The following ASGR2 variants were observed in gnomAD, a reference collection of about 807,000 sequenced individuals.
ASGR2 encodes C-type lectin domain family 4 member H2.
ASGR2 carries 34 observed loss-of-function variants against 32.3 expected under a neutral mutation model. The observed-to-expected ratio is 1.05, with a 90% CI of 0.80 to 1.40. The LOEUF is 1.40. Among genes scored for constraint, ASGR2 ranks in the 40% most tolerant of loss-of-function variants. The probability of loss-of-function intolerance (pLI) is 0.00; values close to 1 mark genes in which losing one functional copy is unlikely to be tolerated. For synonymous variants in ASGR2, 143 were observed against 150.0 expected, an observed-to-expected ratio of 0.95 and a Z score of 0.34; for missense variants, 385 against 386.4, an observed-to-expected ratio of 1.00 and a Z score of 0.03.
chr17:7,103,112 C>G (rs1443242561), intron 7 of ASGR2, among the ~76,000 whole-genome samples: 1 of 152,142 alleles, frequency 6.6e-6, no homozygotes, highest in Non-Finnish European at 1.5e-5. Flanking sequence ...GGGATGGATC[C>G]GTTGAGCAAC....
chr17:7,107,857 G>C lies in ASGR2; in HGVS notation c.388C>G (p.Gln130Glu). ...ITSLGAKLEKQQQDLKADHDA... is the reference protein window; with the variant it reads ...ITSLGAKLEKEQQDLKADHDA... ...TGACCTGCTTTCAGGTCCTGCTGCTGTTTCTCCAGCTTGGCTCCTAGGGAT... is the reference window on the plus strand; with the variant it reads ...TGACCTGCTTTCAGGTCCTGCTGCTCTTTCTCCAGCTTGGCTCCTAGGGAT... Residue 130 changes from glutamine to glutamate, a missense_variant, in exon 5 of 9, where the codon CAG (glutamine) becomes GAG (glutamate). Physicochemically the swap from Gln to Glu is conservative, Grantham distance 29. Transcript: ENST00000691900. The surrounding 1 kb of genome is among the most constrained non-coding windows in gnomAD (Gnocchi z 5.0). 1.2e-6 allele frequency: 2 copies of C among 1,612,378 alleles called. No individual in the cohort carries two copies. Among genetic ancestry groups the C allele is most frequent in the South Asian group, 2.2e-5 (2 of 91,036 alleles).
intron 2 of ASGR2, among the ~76,000 whole-genome samples, chr17:7,111,888 T>A (rs1402514068): frequency 6.9e-6 from 1 of 145,610 alleles, no homozygotes; most frequent in African/African-American, 2.6e-5. Context: ...AAAAAAAAAT[T>A]TTTAATTAGC....
In ASGR2 at chr17:7,113,712, ACACAC is replaced by A. The variant is rs2151742206; in HGVS notation, c.124+400_124+404del. Among the ~76,000 whole-genome samples, 1 of 151,816 alleles carries A rather than the reference ACACAC, an allele frequency of 6.6e-6. No individual in the cohort carries two copies. Among genetic ancestry groups the A allele is most frequent in the African/African-American group, 2.4e-5 (1 of 41,394 alleles). On this transcript the variant is annotated intron_variant, in intron 2 of 8. Transcript: ENST00000691900. The surrounding 1 kb of genome is among the most constrained non-coding windows in gnomAD (Gnocchi z 5.1). The stretch of plus-strand genomic sequence containing the variant: ...CAACATACACACACAACACACTCTC[ACACAC>A]AACATACCCTCTCACATACACGACA...
At position 7,113,692 on chromosome 17, in the gene ASGR2, TACAC is replaced by T. The variant is rs553743875; in HGVS notation, c.124+421_124+424del. Among the ~76,000 whole-genome samples, 11 of 145,726 alleles carry T rather than the reference TACAC, an allele frequency of 7.5e-5. No individual in the cohort carries two copies. Among genetic ancestry groups the T allele is most frequent in the Non-Finnish European group, 1.2e-4 (8 of 65,702 alleles). ...ACACACAACATATACTCACACAACA[TACAC>T]ACACAACACACTCTCACACACAACA... is the stretch of plus-strand genomic sequence containing the variant. On this transcript the variant is annotated intron_variant, in intron 2 of 8. Transcript: ENST00000691900. This position sits in a 1 kb window ranked among gnomAD's most constrained non-coding sequence, Gnocchi z 5.1.
intron 7 of ASGR2, among the ~76,000 whole-genome samples, chr17:7,103,527 A>G (rs1913153600): frequency 6.6e-6 from 1 of 152,224 alleles, no homozygotes; most frequent in Non-Finnish European, 1.5e-5. Flanking sequence ...AGGAGGAATC[A>G]AATCATGCCA....
At position 7,114,026 on chromosome 17, in the gene ASGR2, C is replaced by T. The variant is rs1048726997; in HGVS notation, c.124+91G>A. ...TGTCGGGCCCTCCTCAGTCCCTGTT[C>T]ACAGAGTGGGTGCGGCAGAGACCTC... On this transcript the variant is annotated intron_variant, in intron 2 of 8. Coordinates refer to ENST00000691900, the MANE Select transcript of ASGR2 (RefSeq NM_001201352.2). This position sits in a 1 kb window ranked among gnomAD's most constrained non-coding sequence, Gnocchi z 4.5. The T allele has an allele frequency of 2.6e-6, 4 of 1,560,878 alleles. No homozygotes were observed. The Admixed American group carries it at 5.2e-5, about 20-fold the overall frequency.
intron 2 of ASGR2, among the ~76,000 whole-genome samples, chr17:7,111,462 C>T (rs1249436465): frequency 3.3e-5 from 5 of 151,912 alleles, no homozygotes; most frequent in Admixed American, 6.6e-5. Context: ...CGACACCATC[C>T]TGGCTAACAT....
intron 7 of ASGR2, among the ~76,000 whole-genome samples, chr17:7,104,909 G>C (rs1458649450): frequency 6.6e-6 from 1 of 151,208 alleles, no homozygotes; most frequent in Admixed American, 6.6e-5. Flanking sequence ...CTGGGAGGCA[G>C]AGGTTGCAGT....
chr17:7,104,868 C>T (rs1034758975), intron 7 of ASGR2, among the ~76,000 whole-genome samples: 3 of 150,476 alleles, frequency 2.0e-5, no homozygotes, highest in African/African-American at 7.3e-5. Flanking sequence ...CTCAGCTACT[C>T]GGGATACTAA....
intron 2 of ASGR2, among the ~76,000 whole-genome samples, chr17:7,111,658 A>G (rs1308855396): frequency 6.9e-6 from 1 of 145,954 alleles, no homozygotes; most frequent in African/African-American, 2.5e-5. Flanking sequence ...TCCGCCTCCA[A>G]AAAAAAAAAA....
At position 7,108,427 on chromosome 17, in the gene ASGR2, C is replaced by T. The variant is rs374655358; in HGVS notation, c.337+35G>A. On this transcript the variant is annotated intron_variant, in intron 4 of 8. Coordinates refer to ENST00000691900, the MANE Select transcript of ASGR2 (RefSeq NM_001201352.2). This position sits in a 1 kb window ranked among gnomAD's most constrained non-coding sequence, Gnocchi z 4.9. ...CGGCACTGAGCCCAGCAAACCTGTGCGGATAAATGAGAACCCAGCCGTCCA... is the reference window on the plus strand; with the variant it reads ...CGGCACTGAGCCCAGCAAACCTGTGTGGATAAATGAGAACCCAGCCGTCCA... 17 of 1,551,686 alleles carry T rather than the reference C, an allele frequency of 1.1e-5. No homozygotes were observed. The East Asian group carries it at 1.2e-4, about 11-fold the overall frequency.
Position 7,107,503 on chromosome 17 carries a change from T to TCA in ASGR2, c.410-188_410-187dup. 9.0e-6 allele frequency: 6 copies of TCA among 665,156 alleles called. No individual in the cohort carries two copies. Among genetic ancestry groups the TCA allele is most frequent in the Non-Finnish European group, 1.6e-5 (6 of 383,140 alleles). The allele number at this position is 665,156 out of a possible 1,614,324, so 41.2% of individuals were successfully genotyped here. A position where few individuals can be genotyped will look rare whatever the true frequency, so the allele number is the denominator to read the frequency against. On this transcript the variant is annotated intron_variant, in intron 5 of 8. Transcript: ENST00000691900. This position sits in a 1 kb window ranked among gnomAD's most constrained non-coding sequence, Gnocchi z 5.0. Reference sequence around the variant, plus strand: ...ATAGACCACACCACACACAGATCCATCACACACACACAAACACACCAAGAG... The same window carrying TCA: ...ATAGACCACACCACACACAGATCCATCACACACACACACAAACACACCAAGAG...
chr17:7,101,843 A>T, intron 8 of ASGR2, 103 bp from the exon 9 acceptor site: 1 of 1,452,970 alleles, frequency 6.9e-7, no homozygotes, highest in Non-Finnish European at 9.3e-7. Context: ...CCGAGAGTGG[A>T]GCTGGGGTGT....
rs984447409 is a variant in ASGR2 at position 7,114,499 on chromosome 17, C to T, written c.-71+116G>A. 6.9e-6 allele frequency: 9 copies of T among 1,306,802 alleles called. No homozygotes were observed. Among genetic ancestry groups the T allele is most frequent in the Non-Finnish European group, 8.8e-6 (9 of 1,022,586 alleles). The allele number at this position is 1,306,802 out of a possible 1,614,324, so 81.0% of individuals were successfully genotyped here. A position where few individuals can be genotyped will look rare whatever the true frequency, so the allele number is the denominator to read the frequency against. On this transcript the variant is annotated intron_variant, in intron 1 of 8. Coordinates refer to ENST00000691900, the MANE Select transcript of ASGR2 (RefSeq NM_001201352.2). The surrounding 1 kb of genome is among the most constrained non-coding windows in gnomAD (Gnocchi z 4.5). ...CCTTGACCTGGCCAGGAGACCCCTC[C>T]CCACGCTCATGGACCCGACCACCCA...
At chr17:7,104,086 C>T (rs919000702) in intron 7 of ASGR2, among the ~76,000 whole-genome samples, 1 of 151,024 alleles carries the variant, frequency 6.6e-6, no homozygotes. Flanking sequence ...TGGTGGCTCA[C>T]GCCTGTAATC....
In ASGR2 at chr17:7,108,339, G is replaced by A; in HGVS notation, c.337+123C>T. Reference sequence around the variant, plus strand: ...TGCCTCCCTCCTATACATCCCCCAGGGCCCCTGGACGCCTTGCCCAGCCTG... The same window carrying A: ...TGCCTCCCTCCTATACATCCCCCAGAGCCCCTGGACGCCTTGCCCAGCCTG... On this transcript the variant is annotated intron_variant, in intron 4 of 8. Transcript: ENST00000691900. The surrounding 1 kb of genome is among the most constrained non-coding windows in gnomAD (Gnocchi z 4.9). 9.9e-7 allele frequency: 1 copy of A among 1,012,870 alleles called. No homozygotes were observed. Among genetic ancestry groups the A allele is most frequent in the East Asian group, 2.6e-5 (1 of 38,220 alleles). The allele number at this position is 1,012,870 out of a possible 1,614,324, so 62.7% of individuals were successfully genotyped here. A position where few individuals can be genotyped will look rare whatever the true frequency, so the allele number is the denominator to read the frequency against.
Position 7,113,203 on chromosome 17 carries a change from G to A in ASGR2, c.124+914C>T, listed in dbSNP as rs555048141. On this transcript the variant is annotated intron_variant, in intron 2 of 8. Coordinates refer to ENST00000691900, the MANE Select transcript of ASGR2 (RefSeq NM_001201352.2). This position sits in a 1 kb window ranked among gnomAD's most constrained non-coding sequence, Gnocchi z 5.1. ...TTATTACAGAAGGATCCAGGGAAGG[G>A]TCTTGGGAGATGAGAGGAGCAGGGA... Among the ~76,000 whole-genome samples the A allele has an allele frequency of 6.6e-6, 1 of 152,078 alleles. No homozygotes were observed. Among genetic ancestry groups the A allele is most frequent in the African/African-American group, 2.4e-5 (1 of 41,478 alleles).
At chr17:7,104,423 G>A (rs927595201) in intron 7 of ASGR2, among the ~76,000 whole-genome samples, 11 of 151,030 alleles carry the variant, frequency 7.3e-5, no homozygotes, top group African/African-American at 2.0e-4. Flanking sequence ...AAGGCCAGGC[G>A]GGAGGATCAC....
At chr17:7,105,604 G>A (rs937827997) in intron 7 of ASGR2, among the ~76,000 whole-genome samples, 1 of 152,036 alleles carries the variant, frequency 6.6e-6, no homozygotes, top group African/African-American at 2.4e-5. Flanking sequence ...CGTTGAGCCC[G>A]GGAGGCACAG....
Sources: allele counts gnomAD v4.1 joint callset (sites outside exome capture counted in the v4.1 genomes callset), GRCh38; gene constraint gnomAD v4.1.1; non-coding constraint Gnocchi (gnomAD v3.1); transcripts MANE v1.5; gene names NCBI Gene and HGNC (gene_info 2026-07-23, HGNC 2026-07-21).